The following DCBLD2 variants were observed in gnomAD, a reference collection of about 807,000 sequenced individuals.
DCBLD2 encodes the protein discoidin, CUB and LCCL domain-containing protein 2.
A neutral mutation model predicts 86.8 loss-of-function variants in DCBLD2; 54 were observed. The ratio of observed to expected loss-of-function variants is 0.62; its 90% CI spans 0.50 to 0.78. The LOEUF (loss-of-function observed/expected upper bound fraction) is 0.78. Ranked by LOEUF, DCBLD2 falls within the 30% of genes least tolerant of loss-of-function variation. DCBLD2 has a pLI of 0.00. For synonymous variants in DCBLD2, 354 were observed against 341.3 expected (o/e 1.04, Z -0.41); for missense variants, 908 against 954.2 (o/e 0.95, Z 0.64).
intron 1 of DCBLD2, among the ~76,000 whole-genome samples, chr3:98,891,062 T>C (rs1943652584): frequency 6.6e-6 from 1 of 151,984 alleles, no homozygotes; most frequent in African/African-American, 2.4e-5. Context: ...TTACAGAGTT[T>C]ACAATATAGG....
At chr3:98,870,706 AAAAG>A (rs1156755943) in intron 2 of DCBLD2, among the ~76,000 whole-genome samples, 4 of 145,826 alleles carry the variant, frequency 2.7e-5, no homozygotes, top group African/African-American at 2.6e-5. Context: ...GAGAGAGAAA[AAAAG>A]AAAGAAAAAG....
At position 98,799,681 on chromosome 3, in the gene DCBLD2, C is replaced by T. The variant is rs200193272; in HGVS notation, c.2019G>A (p.Thr673=). The T allele has an allele frequency of 1.6e-4, 256 of 1,613,928 alleles. No individual in the cohort carries two copies. The African/African-American group carries it at 2.9e-3, about 18-fold the overall frequency. ...TGATTGGGGTTGCATACTCAGGCCC[C>T]GTAATTGGGAGTGGTTCAGCATAGG... The part of the protein sequence containing the change: ...YHAYAEPLPI[T]GPEYATPIIM... The change falls in exon 16 of 16, where the codon ACG becomes ACA. Residue 673 remains threonine (T), a synonymous_variant. Coordinates refer to ENST00000326840, the MANE Select transcript of DCBLD2 (RefSeq NM_080927.4).
chr3:98,800,633 C>G lies in DCBLD2; in HGVS notation c.1804G>C (p.Val602Leu). 1.9e-6 allele frequency: 3 copies of G among 1,613,964 alleles called. No homozygotes were observed. The highest frequency in any genetic ancestry group is 2.5e-6 in the Non-Finnish European group (3 of 1,179,876). ...ETPVRYSSSE[V>L]NHLSPREVTT... Reference sequence around the variant, plus strand: ...ACTTCTCTTGGACTCAGGTGATTAACTTCGCTGCTGCTATAGCGAACTGGG... The same window carrying G: ...ACTTCTCTTGGACTCAGGTGATTAAGTTCGCTGCTGCTATAGCGAACTGGG... The change falls in exon 15 of 16, where the codon GTT (valine) becomes CTT (leucine). Residue 602 changes from valine (V) to leucine (L), a missense_variant. Around this residue, in one of 3 missense-constraint regions of DCBLD2, gnomAD observed 606 missense variants for 678.5 expected, o/e 0.89. Coordinates refer to ENST00000326840, the MANE Select transcript of DCBLD2 (RefSeq NM_080927.4).
At chr3:98,813,583 T>G (rs998388409) in intron 9 of DCBLD2, 1 of 152,134 alleles carries the variant, frequency 6.6e-6, no homozygotes, top group Non-Finnish European at 1.5e-5. Flanking sequence ...CAGGCTGGTC[T>G]CAAACTCCTG....
At chr3:98,859,460 C>A (rs1469164391) in intron 2 of DCBLD2, among the ~76,000 whole-genome samples, 2 of 152,230 alleles carry the variant, frequency 1.3e-5, no homozygotes, top group African/African-American at 4.8e-5. Flanking sequence ...AGTAGCCTAA[C>A]TGGGAGGCAC....
rs1179154398 is a variant in DCBLD2 at position 98,834,157 on chromosome 3, T to G, written c.572-8791A>C. ...GAGTTGTTTTCTTTTTTTTTTTTTT[T>G]TTTGTTTTAAATTTTTTTATTGATA... On this transcript the variant is annotated intron_variant, in intron 3 of 15. Coordinates refer to ENST00000326840, the MANE Select transcript of DCBLD2 (RefSeq NM_080927.4). 1.9e-4 allele frequency among the ~76,000 whole-genome samples: 29 copies of G among 151,044 alleles called. 1 individual carries two copies. The highest frequency in any genetic ancestry group is 4.8e-4 in the African/African-American group (20 of 41,296).
At chr3:98,831,857 C>T (rs1004166266) in intron 3 of DCBLD2, among the ~76,000 whole-genome samples, 2 of 151,876 alleles carry the variant, frequency 1.3e-5, no homozygotes, top group Admixed American at 6.6e-5. Flanking sequence ...GCTTTATGTC[C>T]GATTATGTGG....
At chr3:98,898,163 T>A (rs1206832244) in intron 1 of DCBLD2, among the ~76,000 whole-genome samples, 2 of 151,984 alleles carry the variant, frequency 1.3e-5, no homozygotes, top group African/African-American at 4.8e-5. Context: ...TTTATAAATT[T>A]ATAAGTGAAA....
chr3:98,799,959 A>G (rs957222112), intron 15 of DCBLD2, 118 bp from the exon 16 acceptor site: 5 of 841,204 alleles, frequency 5.9e-6, no homozygotes, highest in African/African-American at 1.7e-5. Flanking sequence ...TTTTGTTGCC[A>G]TCAATACTTA....
intron 1 of DCBLD2, among the ~76,000 whole-genome samples, chr3:98,900,487 AG>A (rs1943828831): frequency 6.6e-6 from 1 of 152,032 alleles, no homozygotes; most frequent in Non-Finnish European, 1.5e-5. Context: ...AAAAAAAAAA[AG>A]TTTTGTCACT....
chr3:98,826,332 G>A (rs1942220513), intron 3 of DCBLD2, among the ~76,000 whole-genome samples: 2 of 152,180 alleles, frequency 1.3e-5, no homozygotes, highest in Non-Finnish European at 2.9e-5. Context: ...CTCCAGTCTT[G>A]TTTTGGTCCC....
At chr3:98,897,681 C>A (rs1283049661) in intron 1 of DCBLD2, among the ~76,000 whole-genome samples, 1 of 152,042 alleles carries the variant, frequency 6.6e-6, no homozygotes, top group Admixed American at 6.6e-5. Flanking sequence ...TAAGAATGAA[C>A]CTGATTTGTT....
chr3:98,866,605 A>G (rs1446058039), intron 2 of DCBLD2, among the ~76,000 whole-genome samples: 1 of 152,196 alleles, frequency 6.6e-6, no homozygotes, highest in Non-Finnish European at 1.5e-5. Flanking sequence ...TCTCAATATT[A>G]GCCCTTTGTC....
chr3:98,871,203 T>C, intron 2 of DCBLD2, among the ~76,000 whole-genome samples: 1 of 152,166 alleles, frequency 6.6e-6, no homozygotes, highest in East Asian at 1.9e-4. Flanking sequence ...TTTAGAATTT[T>C]CAAGGTATAA....
chr3:98,887,384 A>G (rs1943582406), intron 1 of DCBLD2, among the ~76,000 whole-genome samples: 1 of 152,032 alleles, frequency 6.6e-6, no homozygotes, highest in Non-Finnish European at 1.5e-5. Context: ...AGTTTTTATT[A>G]TTTGGTACTG....
At chr3:98,854,181 G>A (rs2107489683) in intron 2 of DCBLD2, among the ~76,000 whole-genome samples, 1 of 152,294 alleles carries the variant, frequency 6.6e-6, no homozygotes, top group South Asian at 2.1e-4. Flanking sequence ...CAAATGTACA[G>A]TTGAATCCTC....
chr3:98,819,075 G>A (rs1942071868), intron 8 of DCBLD2, 127 bp downstream of exon 8: 1 of 931,496 alleles, frequency 1.1e-6, no homozygotes, highest in African/African-American at 1.7e-5. Flanking sequence ...TAACATCAGT[G>A]AAGAAAATAT....
In DCBLD2 at chr3:98,901,232, A is replaced by T. The variant is rs901838016; in HGVS notation, c.95T>A (p.Leu32His). ...GGAGCAGGGAGGGAGGGAGCGGGAG[A>T]GGGGGAGCGCGGCCCAGGCGGGGGC... Reference protein sequence around the residue: ...AAAPAWAALPLSRSLPPCSNS... With the variant: ...AAAPAWAALPHSRSLPPCSNS... Residue 32 changes from leucine (L) to histidine (H), a missense_variant, in exon 1 of 16, where the codon CTC (leucine) becomes CAC (histidine). Leu to His is a moderately conservative substitution (Grantham distance 99, BLOSUM62 -3). Transcript: ENST00000326840. 3.9e-6 allele frequency: 6 copies of T among 1,534,762 alleles called. 1 individual carries two copies. In the South Asian group the frequency reaches 7.1e-5, roughly 18 times the overall value.
Position 98,822,332 on chromosome 3 carries a change from A to C in DCBLD2, c.726T>G (p.His242Gln). 6.2e-7 allele frequency: 1 copy of C among 1,614,020 alleles called. No individual in the cohort carries two copies. Among genetic ancestry groups the C allele is most frequent in the Non-Finnish European group, 8.5e-7 (1 of 1,179,882 alleles). ...CCAACGTGTTTGACACTACTCCTGC[A>C]TGCACACCAGCCATGCACAATGGCG... ...DSSPLCMAGV[H>Q]AGVVSNTLGG... Residue 242 changes from histidine (H) to glutamine (Q), a missense_variant, in exon 6 of 16, where the codon CAT becomes CAG. Transcript: ENST00000326840.
Sources: gnomAD v4.1 joint callset for allele counts (sites outside exome capture counted in the v4.1 genomes callset) on GRCh38, gnomAD v4.1.1 for gene constraint, gnomAD v4.1.1 regional missense constraint, MANE v1.5 for transcripts, NCBI Gene and HGNC (gene_info 2026-07-23, HGNC 2026-07-21) for gene names.